The following BRAF variants were observed in gnomAD, a reference collection of about 807,000 sequenced individuals.
BRAF encodes the protein B-Raf proto-oncogene, serine/threonine kinase, also known as serine/threonine-protein kinase B-raf.
A neutral mutation model predicts 104.6 loss-of-function variants in BRAF; 16 were observed. That is an observed-to-expected ratio of 0.15 (90% CI 0.10 to 0.23). BRAF has a LOEUF of 0.23. BRAF is among the 10% of genes least tolerant of loss of function. The pLI is 1.00. For synonymous variants in BRAF, 310 were observed against 341.6 expected (o/e 0.91, Z 1.02); for missense variants, 541 against 937.3 (o/e 0.58, Z 5.52).
intron 2 of BRAF, among the ~76,000 whole-genome samples, chr7:140,847,560 G>A (rs982277873): frequency 1.3e-5 from 2 of 151,790 alleles, no homozygotes; most frequent in South Asian, 4.2e-4. Flanking sequence ...TCCAGCCCGG[G>A]AGACAGCAAG....
At chr7:140,823,871 G>A (rs572579601) in intron 3 of BRAF, 4 of 152,142 alleles carry the variant, frequency 2.6e-5, no homozygotes, top group African/African-American at 9.7e-5. Context: ...GTGTGAGGTG[G>A]TATCTCCTTG....
chr7:140,774,957 G>A (rs1800191785), intron 14 of BRAF, among the ~76,000 whole-genome samples: 1 of 152,096 alleles, frequency 6.6e-6, no homozygotes, highest in Non-Finnish European at 1.5e-5. Context: ...CTAGGCATTA[G>A]GCATAAAATA....
chr7:140,879,816 C>G (rs530360285), intron 1 of BRAF, among the ~76,000 whole-genome samples: 1 of 151,464 alleles, frequency 6.6e-6, no homozygotes, highest in South Asian at 2.1e-4. Flanking sequence ...ACTGCAACCT[C>G]TGCCTCCTGG....
At chr7:140,763,548 G>A (rs893615403) in intron 14 of BRAF, among the ~76,000 whole-genome samples, 42 of 152,214 alleles carry the variant, frequency 2.8e-4, no homozygotes, top group Non-Finnish European at 3.1e-4. Flanking sequence ...TAGACCACTA[G>A]CAAGACTAAT....
chr7:140,906,087 CAAA>C (rs61150735), intron 1 of BRAF, among the ~76,000 whole-genome samples: 911 of 44,678 alleles, frequency 0.02, 14 homozygotes, highest in African/African-American at 0.087. Context: ...GACTCCGTCT[CAAA>C]AAAAAAAAAA....
chr7:140,918,229 C>T (rs1402866040), intron 1 of BRAF, among the ~76,000 whole-genome samples: 1 of 152,154 alleles, frequency 6.6e-6, no homozygotes, highest in African/African-American at 2.4e-5. Context: ...ACTCCCCAAC[C>T]TTTTTGGGAC....
chr7:140,717,527 G>A (rs1467371698), downstream of BRAF, among the ~76,000 whole-genome samples: 11 of 152,132 alleles, frequency 7.2e-5, no homozygotes, highest in Admixed American at 6.5e-5. Flanking sequence ...GGATTTAGGC[G>A]TGAGCCATTG....
intron 18 of BRAF, 101 bp downstream of exon 17, chr7:140,739,711 T>C (rs2130897414): frequency 7.2e-7 from 1 of 1,398,132 alleles, no homozygotes; most frequent in South Asian, 1.2e-5. Context: ...GCACATAGAA[T>C]CCAAACTCAT....
chr7:140,737,049 TAA>T (rs879395038), intron 18 of BRAF, among the ~76,000 whole-genome samples: 2 of 144,178 alleles, frequency 1.4e-5, no homozygotes. Flanking sequence ...GCCCAGCCTA[TAA>T]AAAAAAAAAA....
chr7:140,766,019 T>C (rs1799281956), intron 14 of BRAF, among the ~76,000 whole-genome samples: 2 of 151,224 alleles, frequency 1.3e-5, no homozygotes, highest in African/African-American at 4.9e-5. Flanking sequence ...ATTGCGGCAC[T>C]ATTCACAATA....
chr7:140,865,098 GAGAC>G (rs952664911), intron 1 of BRAF, among the ~76,000 whole-genome samples: 7 of 140,520 alleles, frequency 5.0e-5, no homozygotes, highest in African/African-American at 2.0e-4. Flanking sequence ...TTTTTTTTCT[GAGAC>G]AGAGTCTCAT....
Position 140,723,320 on chromosome 7 carries a change from G to A in BRAF, c.*3174C>T. 1.9e-6 allele frequency: 2 copies of A among 1,055,954 alleles called. No homozygotes were observed. The highest frequency in any genetic ancestry group is 2.3e-6 in the Non-Finnish European group (2 of 873,452). 65.4% of individuals were successfully genotyped at this position (1,055,954 alleles called of 1,614,324 possible). On this transcript the variant is annotated 3_prime_UTR_variant, in exon 20 of 20. Transcript: ENST00000644969. ...AAAGTTTCAGGTTGACAGTGCTGCA[G>A]TCTTGAATTATTTCTTTATATACTG...
intron 1 of BRAF, among the ~76,000 whole-genome samples, chr7:140,861,002 C>T (rs1459278294): frequency 1.3e-5 from 2 of 152,078 alleles, no homozygotes. Flanking sequence ...AAAAAGCTAG[C>T]GCTATATTTA....
Position 140,724,622 on chromosome 7 carries a change from CATGT to C in BRAF, c.*1868_*1871del, listed in dbSNP as rs1372183830. ...ATTTCAATAGGCTTTCTTCTGAATA[CATGT>C]ATGTTAGCAAAAATCTAATGGTAGT... On this transcript the variant is annotated 3_prime_UTR_variant, in exon 20 of 20. Coordinates refer to ENST00000644969, the MANE Select transcript of BRAF (RefSeq NM_001374258.1). 4 of 1,037,052 alleles carry C rather than the reference CATGT, an allele frequency of 3.9e-6. No individual in the cohort carries two copies. Among genetic ancestry groups the C allele is most frequent in the African/African-American group, 1.7e-5 (1 of 59,516 alleles). 64.2% of individuals were successfully genotyped at this position (1,037,052 alleles called of 1,614,324 possible).
At chr7:140,733,443 G>C (rs1237134943) in intron 19 of BRAF, 1 of 152,202 alleles carries the variant, frequency 6.6e-6, no homozygotes, top group Non-Finnish European at 1.5e-5. Flanking sequence ...ACGTGCTGTT[G>C]CTTTCTACTT....
chr7:140,725,300 T>C lies in BRAF; in HGVS notation c.*1194A>G. ...GCAAGTACCATTAATTGAAAAATTA[T>C]AAATATTTGTCATTATGCTAAGACT... On this transcript the variant is annotated 3_prime_UTR_variant, in exon 20 of 20. Transcript: ENST00000644969. The C allele has an allele frequency of 9.7e-7, 1 of 1,034,398 alleles. No homozygotes were observed. Among genetic ancestry groups the C allele is most frequent in the Non-Finnish European group, 1.2e-6 (1 of 857,042 alleles). The allele number at this position is 1,034,398 out of a possible 1,614,324, so 64.1% of individuals were successfully genotyped here.
intron 1 of BRAF, among the ~76,000 whole-genome samples, chr7:140,885,645 T>G (rs1395006021): frequency 6.6e-6 from 1 of 152,214 alleles, no homozygotes; most frequent in Non-Finnish European, 1.5e-5. Context: ...TGTCTATTTT[T>G]GTATGTGGAT....
chr7:140,849,574 TG>T, intron 2 of BRAF, among the ~76,000 whole-genome samples: 1 of 150,898 alleles, frequency 6.6e-6, no homozygotes, highest in Non-Finnish European at 1.5e-5. Flanking sequence ...CCTAGCACTT[TG>T]GGAGGCCAAG....
At chr7:140,816,882 T>G (rs553558793) in intron 3 of BRAF, among the ~76,000 whole-genome samples, 1 of 152,180 alleles carries the variant, frequency 6.6e-6, no homozygotes, top group East Asian at 1.9e-4. Flanking sequence ...CTGAAAGTAT[T>G]CTTCTAAGAC....
Sources: gnomAD v4.1 joint callset for allele counts (sites outside exome capture counted in the v4.1 genomes callset) on GRCh38, gnomAD v4.1.1 for gene constraint, MANE v1.5 for transcripts, NCBI Gene and HGNC (gene_info 2026-07-23, HGNC 2026-07-21) for gene names.